Variants in C17orf78 observed in about 807,000 individuals in gnomAD.
C17orf78 encodes the protein chromosome 17 open reading frame 78.
Under a neutral mutation model 31.8 loss-of-function variants are expected in C17orf78, and 27 were observed. The ratio of observed to expected loss-of-function variants is 0.85; its 90% CI spans 0.63 to 1.17. The LOEUF (loss-of-function observed/expected upper bound fraction) is 1.17. Ranked by LOEUF, C17orf78 falls within the 50% of genes most tolerant of loss-of-function variation. C17orf78 has a pLI of 0.00. For missense variants in C17orf78, 258 were observed against 315.2 expected (o/e 0.82, Z 1.37); for synonymous variants, 106 against 115.1 (o/e 0.92, Z 0.51).
chr17:37,391,940 T>C lies in C17orf78; in HGVS notation c.*216T>C, dbSNP rs557697671. 4.1e-5 allele frequency: 23 copies of C among 561,960 alleles called. No individual in the cohort carries two copies. Among genetic ancestry groups the C allele is most frequent in the Non-Finnish European group, 7.3e-5 (23 of 316,034 alleles). The allele number at this position is 561,960 out of a possible 1,614,324, so 34.8% of individuals were successfully genotyped here. A position where few individuals can be genotyped will look rare whatever the true frequency, so the allele number is the denominator to read the frequency against. On this transcript the variant is annotated 3_prime_UTR_variant, in exon 7 of 7. Transcript: ENST00000615133. ...TTCTGTAATTCACTTCATACATCCA[T>C]CTAAATGGATACCTTTCCATCCCCT...
intron 4 of C17orf78, among the ~76,000 whole-genome samples, chr17:37,386,608 T>C (rs1012824062): frequency 6.6e-6 from 1 of 151,492 alleles, no homozygotes; most frequent in Non-Finnish European, 1.5e-5. Context: ...AACAACAAAA[T>C]TAGCTTCTCT....
chr17:37,379,028 C>A lies in C17orf78; in HGVS notation c.146-109C>A. On this transcript the variant is annotated intron_variant, in intron 2 of 6. Transcript: ENST00000615133. Reference sequence around the variant, plus strand: ...TTGAGGCTGGAGTGAGCCATGATTGCGACACTGCACTCCAGCTTGGGTGAC... The same window carrying A: ...TTGAGGCTGGAGTGAGCCATGATTGAGACACTGCACTCCAGCTTGGGTGAC... The A allele has an allele frequency of 4.6e-6, 6 of 1,312,792 alleles. No homozygotes were observed. In the South Asian group the frequency reaches 4.6e-5, roughly 10 times the overall value. The allele number at this position is 1,312,792 out of a possible 1,614,324, so 81.3% of individuals were successfully genotyped here.
At position 37,391,877 on chromosome 17, in the gene C17orf78, A is replaced by G; in HGVS notation, c.*153A>G. 2.8e-6 allele frequency: 2 copies of G among 720,738 alleles called. No individual in the cohort carries two copies. The highest frequency in any genetic ancestry group is 3.4e-5 in the South Asian group (2 of 58,602). 44.6% of individuals were successfully genotyped at this position (720,738 alleles called of 1,614,324 possible). A position where few individuals can be genotyped will look rare whatever the true frequency, so the allele number is the denominator to read the frequency against. ...GTTAATGAAGGGAGAGTGTGGGCTT[A>G]GCAGAGTTACCCTCATGCCCCTATC... On this transcript the variant is annotated 3_prime_UTR_variant, in exon 7 of 7. Coordinates refer to ENST00000615133, the MANE Select transcript of C17orf78 (RefSeq NM_173625.5).
intron 6 of C17orf78, 106 bp from the exon 7 acceptor site, chr17:37,391,541 C>T: frequency 1.0e-6 from 1 of 977,892 alleles, no homozygotes; most frequent in Non-Finnish European, 1.6e-6. Flanking sequence ...ATGAAGTGCA[C>T]TTGGAATTAC....
At chr17:37,380,442 A>C (rs937251939) in intron 3 of C17orf78, among the ~76,000 whole-genome samples, 3 of 152,104 alleles carry the variant, frequency 2.0e-5, no homozygotes, top group Non-Finnish European at 4.4e-5. Context: ...AGAAAAAAAA[A>C]AGAAAATGAA....
chr17:37,386,495 GA>G (rs2050537384), intron 4 of C17orf78, among the ~76,000 whole-genome samples: 1 of 152,168 alleles, frequency 6.6e-6, no homozygotes, highest in Non-Finnish European at 1.5e-5. Context: ...GAGAGGCTGA[GA>G]AAGAAGAATC....
intron 3 of C17orf78, among the ~76,000 whole-genome samples, chr17:37,385,007 G>A (rs765381508): frequency 3.9e-5 from 6 of 152,204 alleles, no homozygotes; most frequent in Non-Finnish European, 8.8e-5. Flanking sequence ...AGACGAGTGA[G>A]GTTATTTCCA....
intron 3 of C17orf78, among the ~76,000 whole-genome samples, chr17:37,383,859 C>T (rs113424662): frequency 1.1e-3 from 164 of 152,226 alleles, no homozygotes; most frequent in African/African-American, 3.8e-3. Flanking sequence ...TCCAAAACAA[C>T]CAATTTATGT....
intron 6 of C17orf78, among the ~76,000 whole-genome samples, chr17:37,390,175 T>TATACACACACACACAC (rs60788220): frequency 2.2e-5 from 1 of 44,508 alleles, no homozygotes; most frequent in African/African-American, 1.2e-4. Flanking sequence ...TATATATATA[T>TATACACACACACACAC]ACACACACAC....
intron 4 of C17orf78, among the ~76,000 whole-genome samples, chr17:37,386,357 C>A (rs185840032): frequency 6.6e-6 from 1 of 151,902 alleles, no homozygotes; most frequent in Non-Finnish European, 1.5e-5. Flanking sequence ...TTTGGGAGGC[C>A]GAGGTGGGCG....
intron 6 of C17orf78, among the ~76,000 whole-genome samples, chr17:37,391,438 G>T (rs1326945116): frequency 6.6e-6 from 1 of 152,098 alleles, no homozygotes; most frequent in Non-Finnish European, 1.5e-5. Flanking sequence ...CTTTGCTAGT[G>T]GGTTATAGGT....
At chr17:37,382,507 C>T (rs1347725443) in intron 3 of C17orf78, among the ~76,000 whole-genome samples, 1 of 151,966 alleles carries the variant, frequency 6.6e-6, no homozygotes, top group African/African-American at 2.4e-5. Flanking sequence ...AAACTTTAAA[C>T]TCTAGACTAA....
chr17:37,388,241 T>G (rs1258110355), intron 4 of C17orf78, among the ~76,000 whole-genome samples: 1 of 152,152 alleles, frequency 6.6e-6, no homozygotes, highest in African/African-American at 2.4e-5. Flanking sequence ...TCCTCTTATA[T>G]TCTATGAAAG....
intron 4 of C17orf78, 105 bp downstream of exon 4, chr17:37,386,230 A>G: frequency 1.5e-6 from 1 of 678,518 alleles, no homozygotes. Context: ...ATCTACTGAT[A>G]TTTTTCTTGA....
rs1394744167 is a variant in C17orf78, at chr17:37,389,295, G to A, written c.683G>A (p.Arg228Lys). Residue 228 changes from arginine to lysine, a missense_variant, in exon 6 of 7, where the codon AGA (arginine) becomes AAA (lysine). Physicochemically the swap from Arg to Lys is conservative, Grantham distance 26. Coordinates refer to ENST00000615133, the MANE Select transcript of C17orf78 (RefSeq NM_173625.5). Reference sequence around the variant, plus strand: ...CTGTGCCAATGCCAGTGGTTGTGGAGATGGCAAAAGAAGGGAGGCCAGCCA... The same window carrying A: ...CTGTGCCAATGCCAGTGGTTGTGGAAATGGCAAAAGAAGGGAGGCCAGCCA... ...RKLCQCQWLW[R>K]WQKKGGQPPG... 6.3e-7 allele frequency: 1 copy of A among 1,599,468 alleles called. No individual in the cohort carries two copies. Among genetic ancestry groups the A allele is most frequent in the Non-Finnish European group, 8.5e-7 (1 of 1,173,164 alleles).
In C17orf78 at chr17:37,389,384, T is replaced by A. The variant is rs746372404; in HGVS notation, c.750+22T>A. The A allele has an allele frequency of 3.8e-6, 6 of 1,559,788 alleles. No homozygotes were observed. The East Asian group carries it at 1.4e-4, about 37-fold the overall frequency. ...GAAGGAAAGTGTTCTCTGTGTGGTTTATGTCATTTGCTTAAAGAAGGTGGG... is the reference window on the plus strand; with the variant it reads ...GAAGGAAAGTGTTCTCTGTGTGGTTAATGTCATTTGCTTAAAGAAGGTGGG... On this transcript the variant is annotated intron_variant, in intron 6 of 6. Transcript: ENST00000615133.
At position 37,386,090 on chromosome 17, in the gene C17orf78, C is replaced by A; in HGVS notation, c.473C>A (p.Pro158His). Residue 158 changes from proline (P) to histidine (H), a missense_variant, in exon 4 of 7, where the codon CCT (proline) becomes CAT (histidine). Coordinates refer to ENST00000615133, the MANE Select transcript of C17orf78 (RefSeq NM_173625.5). ...TFPTTAPSIT[P>H]GNKEGEKTTS... ...CCCACCACTGCCCCTTCTATAACTC[C>A]TGGGAATAAAGAAGGAGAGAAAACT... The A allele has an allele frequency of 6.3e-7, 1 of 1,598,028 alleles. No homozygotes were observed. The highest frequency in any genetic ancestry group is 1.7e-5 in the Admixed American group (1 of 59,268).
At chr17:37,386,788 A>AT (rs1319220695) in intron 4 of C17orf78, 1 of 152,232 alleles carries the variant, frequency 6.6e-6, no homozygotes, top group Non-Finnish European at 1.5e-5. Context: ...CTAAGCAATT[A>AT]TAAGAGTGAT....
intron 3 of C17orf78, among the ~76,000 whole-genome samples, chr17:37,385,458 G>C (rs1486117399): frequency 6.6e-6 from 1 of 151,986 alleles, no homozygotes; most frequent in African/African-American, 2.4e-5. Flanking sequence ...GGGTGACAGA[G>C]GGGGACCCTG....
Sources: allele counts gnomAD v4.1 joint callset (sites outside exome capture counted in the v4.1 genomes callset), GRCh38; gene constraint gnomAD v4.1.1; transcripts MANE v1.5; gene names NCBI Gene and HGNC (gene_info 2026-07-23, HGNC 2026-07-21).